Variants in SLC25A13 observed in about 807,000 individuals in gnomAD.
SLC25A13 encodes the protein solute carrier family 25 member 13.
In SLC25A13, 70 loss-of-function variants were observed where a neutral mutation model predicts 85.5. The observed-to-expected ratio is 0.82, with a 90% CI of 0.68 to 1.00. SLC25A13 has a LOEUF of 1.00. SLC25A13 is among the 50% of genes least tolerant of loss of function. SLC25A13 has a pLI of 0.00. For missense variants in SLC25A13, 765 were observed against 819.8 expected, an observed-to-expected ratio of 0.93 and a Z score of 0.82; for synonymous variants, 259 against 288.7, an observed-to-expected ratio of 0.90 and a Z score of 1.04.
At chr7:96,218,940 G>T (rs971765742) in intron 4 of SLC25A13, among the ~76,000 whole-genome samples, 2 of 152,112 alleles carry the variant, frequency 1.3e-5, no homozygotes, top group African/African-American at 4.8e-5. Context: ...AGCTTCTACG[G>T]CCATCATCTT....
At chr7:96,293,695 G>A (rs1214271427) in intron 2 of SLC25A13, among the ~76,000 whole-genome samples, 1 of 152,144 alleles carries the variant, frequency 6.6e-6, no homozygotes, top group Non-Finnish European at 1.5e-5. Context: ...ATCATCACTG[G>A]CCATCAGAGA....
intron 1 of SLC25A13, among the ~76,000 whole-genome samples, chr7:96,317,810 A>T (rs2375058): frequency 0.61 from 87,865 of 143,116 alleles, 27,189 homozygotes; most frequent in Non-Finnish European, 0.67. Flanking sequence ...ACTTTATTTT[A>T]TTTTTTTTTG....
chr7:96,288,062 C>T (rs1447456585), intron 2 of SLC25A13, among the ~76,000 whole-genome samples: 1 of 152,194 alleles, frequency 6.6e-6, no homozygotes, highest in African/African-American at 2.4e-5. Context: ...TAGAGATCAG[C>T]TTAGGTAAGG....
At chr7:96,281,209 G>T (rs765521691) in intron 2 of SLC25A13, among the ~76,000 whole-genome samples, 1 of 151,998 alleles carries the variant, frequency 6.6e-6, no homozygotes, top group Non-Finnish European at 1.5e-5. Context: ...TGGCCAACAT[G>T]GTGAAACCCC....
chr7:96,278,825 T>C (rs1469683268), intron 2 of SLC25A13, among the ~76,000 whole-genome samples: 1 of 152,198 alleles, frequency 6.6e-6, no homozygotes, highest in African/African-American at 2.4e-5. Flanking sequence ...TAAAGAATTA[T>C]ATTTTGATTT....
intron 3 of SLC25A13, among the ~76,000 whole-genome samples, chr7:96,250,282 TC>T (rs1797365326): frequency 6.6e-6 from 1 of 152,214 alleles, no homozygotes; most frequent in South Asian, 2.1e-4. Context: ...TTCAGCTAAA[TC>T]CTTAGGGGCT....
intron 4 of SLC25A13, among the ~76,000 whole-genome samples, chr7:96,226,212 C>T (rs965735818): frequency 2.6e-5 from 4 of 152,160 alleles, no homozygotes; most frequent in Non-Finnish European, 5.9e-5. Flanking sequence ...GTAGCCACCA[C>T]TCTTTGATTC....
rs111237880 is a variant in SLC25A13, at chr7:96,265,859, C to G, written c.212+11337G>C. On this transcript the variant is annotated intron_variant, in intron 3 of 17. Coordinates refer to ENST00000265631, the MANE Select transcript of SLC25A13 (RefSeq NM_014251.3). ...ATCAAGGCAGCAGCAGGTCTGGTGT[C>G]TGGTAAAAGCTTTCTCCTTCATAGA... 3.5e-3 allele frequency among the ~76,000 whole-genome samples: 535 copies of G among 152,274 alleles called. 1 individual carries two copies. The highest frequency in any genetic ancestry group is 0.012 in the African/African-American group (494 of 41,552).
At chr7:96,131,671 T>C in intron 15 of SLC25A13, 72 bp downstream of exon 15, 1 of 1,603,646 alleles carries the variant, frequency 6.2e-7, no homozygotes, top group Admixed American at 1.7e-5. Flanking sequence ...AATTTCAATG[T>C]AGTAGCATGC....
intron 12 of SLC25A13, among the ~76,000 whole-genome samples, chr7:96,170,896 G>C (rs1219493647): frequency 6.6e-6 from 1 of 152,166 alleles, no homozygotes; most frequent in Non-Finnish European, 1.5e-5. Context: ...TGTCAAATGT[G>C]AGCCAAGCAC....
intron 13 of SLC25A13, among the ~76,000 whole-genome samples, chr7:96,166,398 T>C (rs1793743203): frequency 6.6e-6 from 1 of 152,246 alleles, no homozygotes; most frequent in African/African-American, 2.4e-5. Context: ...CAGATGTTCA[T>C]ACTTTCATGA....
intron 1 of SLC25A13, among the ~76,000 whole-genome samples, chr7:96,310,866 C>A (rs1200360050): frequency 6.6e-6 from 1 of 152,106 alleles, no homozygotes; most frequent in Non-Finnish European, 1.5e-5. Context: ...GATTTGTCTT[C>A]ATTGTGGTAA....
intron 5 of SLC25A13, among the ~76,000 whole-genome samples, chr7:96,202,030 CA>C (rs1795276975): frequency 6.6e-6 from 1 of 152,120 alleles, no homozygotes; most frequent in Admixed American, 6.5e-5. Context: ...TCTAAATAAC[CA>C]AAATGTTCAT....
Position 96,259,757 on chromosome 7 carries a change from G to A in SLC25A13, c.212+17439C>T, listed in dbSNP as rs142353406. Among the ~76,000 whole-genome samples, 891 of 152,166 alleles carry A rather than the reference G, an allele frequency of 5.9e-3. 8 individuals are homozygous for A. Among genetic ancestry groups the A allele is most frequent in the Middle Eastern group, 0.02 (6 of 294 alleles). ...TTCTGCTATAAAAACACATGCACACGTATGTTTATGGCAGTACTATTCACA... is the reference window on the plus strand; with the variant it reads ...TTCTGCTATAAAAACACATGCACACATATGTTTATGGCAGTACTATTCACA... On this transcript the variant is annotated intron_variant, in intron 3 of 17. Coordinates refer to ENST00000265631, the MANE Select transcript of SLC25A13 (RefSeq NM_014251.3).
chr7:96,229,417 T>C (rs1346917187), intron 4 of SLC25A13, among the ~76,000 whole-genome samples: 1 of 152,006 alleles, frequency 6.6e-6, no homozygotes, highest in Non-Finnish European at 1.5e-5. Flanking sequence ...CTCTGTAAAA[T>C]GGACCAATCA....
rs533791751 is a variant in SLC25A13 at position 96,311,810 on chromosome 7, TA to T, written c.15+10131del. ...AGAAGTATTTCTTTCTGACAAAGGC[TA>T]AAAAAAAAGAAACATTTCTGTCTCT... On this transcript the variant is annotated intron_variant, in intron 1 of 17. Transcript: ENST00000265631. Among the ~76,000 whole-genome samples the T allele has an allele frequency of 3.3e-5, 5 of 150,344 alleles. No individual in the cohort carries two copies. The South Asian group carries it at 6.3e-4, about 19-fold the overall frequency.
chr7:96,186,014 G>A (rs1794629374), intron 9 of SLC25A13, among the ~76,000 whole-genome samples: 1 of 152,170 alleles, frequency 6.6e-6, no homozygotes, highest in Non-Finnish European at 1.5e-5. Flanking sequence ...TTTGTTTTAA[G>A]TGGCAATACC....
chr7:96,263,627 G>C (rs1240314593), intron 3 of SLC25A13, among the ~76,000 whole-genome samples: 1 of 151,892 alleles, frequency 6.6e-6, no homozygotes, highest in Admixed American at 6.6e-5. Context: ...AATAACCCTG[G>C]ATTCCCCTCT....
At chr7:96,220,599 G>A (rs1305280513) in intron 4 of SLC25A13, among the ~76,000 whole-genome samples, 1 of 152,138 alleles carries the variant, frequency 6.6e-6, no homozygotes, top group East Asian at 1.9e-4. Flanking sequence ...TATACCAGAA[G>A]AAGAATGGTA....
Sources: gnomAD v4.1 joint callset for allele counts (sites outside exome capture counted in the v4.1 genomes callset) on GRCh38, gnomAD v4.1.1 for gene constraint, MANE v1.5 for transcripts, NCBI Gene and HGNC (gene_info 2026-07-23, HGNC 2026-07-21) for gene names.